The following ADAMTS3 variants were observed in gnomAD, a reference collection of about 807,000 sequenced individuals.
The protein encoded by ADAMTS3 is ADAM metallopeptidase with thrombospondin type 1 motif 3.
ADAMTS3 carries 73 observed loss-of-function variants against 129.0 expected under a neutral mutation model. That is an observed-to-expected ratio of 0.57 (90% CI 0.47 to 0.69). The LOEUF is 0.69. ADAMTS3 is among the 30% of genes least tolerant of loss of function. ADAMTS3 has a pLI of 0.00. For missense variants in ADAMTS3, 1,457 were observed against 1,514.5 expected, an observed-to-expected ratio of 0.96 and a Z score of 0.63; for synonymous variants, 477 against 510.8, an observed-to-expected ratio of 0.93 and a Z score of 0.89.
chr4:72,476,152 GA>G (rs1560530389), intron 3 of ADAMTS3, among the ~76,000 whole-genome samples: 1 of 151,564 alleles, frequency 6.6e-6, no homozygotes, highest in Non-Finnish European at 1.5e-5. Context: ...AATCAAAAAA[GA>G]AAAAATCAAT....
intron 3 of ADAMTS3, among the ~76,000 whole-genome samples, chr4:72,425,548 T>C (rs1027445239): frequency 2.0e-5 from 3 of 152,176 alleles, no homozygotes; most frequent in Non-Finnish European, 4.4e-5. Context: ...TGTGTTCTCA[T>C]TGTTCAATTC....
At chr4:72,320,633 A>G in intron 7 of ADAMTS3, 81 bp downstream of exon 7, 1 of 1,456,268 alleles carries the variant, frequency 6.9e-7, no homozygotes, top group Non-Finnish European at 9.4e-7. Context: ...AGAGCAGAAC[A>G]TTTGAACAGA....
At chr4:72,404,161 AAAAAC>A (rs1721993983) in intron 4 of ADAMTS3, among the ~76,000 whole-genome samples, 1 of 152,108 alleles carries the variant, frequency 6.6e-6, no homozygotes, top group African/African-American at 2.4e-5. Context: ...CGGACATAGA[AAAAAC>A]AATTACAAAA....
At chr4:72,326,432 G>T (rs573606627) in intron 5 of ADAMTS3, among the ~76,000 whole-genome samples, 4 of 152,162 alleles carry the variant, frequency 2.6e-5, no homozygotes, top group Admixed American at 2.6e-4. Context: ...AACACATGGA[G>T]TATGATAAGA....
At chr4:72,312,252 C>G (rs372966587) in intron 13 of ADAMTS3, 39 bp downstream of exon 13, 6 of 1,606,486 alleles carry the variant, frequency 3.7e-6, no homozygotes, top group African/African-American at 1.3e-5. Flanking sequence ...CTGTGAGTAA[C>G]CATCCACACA....
rs1197252032 is a variant in ADAMTS3 at position 72,355,788 on chromosome 4, T to A, written c.662-16095A>T. Among the ~76,000 whole-genome samples, 5 of 152,132 alleles carry A rather than the reference T, an allele frequency of 3.3e-5. No homozygotes were observed. In the East Asian group the frequency reaches 9.7e-4, roughly 29 times the overall value. ...TCTTCTTTATAAATTACTCCATCTG[T>A]CTTATTTTGTTATAATAGCACAAAT... is the stretch of plus-strand genomic sequence containing the variant. On this transcript the variant is annotated intron_variant, in intron 4 of 21. Transcript: ENST00000286657.
chr4:72,509,726 A>G (rs1437232857), intron 3 of ADAMTS3, among the ~76,000 whole-genome samples: 1 of 152,096 alleles, frequency 6.6e-6, no homozygotes. Flanking sequence ...CTATTCTGAA[A>G]AATGGAGGAG....
intron 4 of ADAMTS3, among the ~76,000 whole-genome samples, chr4:72,399,310 G>A (rs935397758): frequency 7.2e-5 from 11 of 152,150 alleles, no homozygotes; most frequent in African/African-American, 2.6e-4. Flanking sequence ...GTGCACACCT[G>A]TAGTCCCAGT....
chr4:72,470,657 T>C (rs1375441249), intron 3 of ADAMTS3, among the ~76,000 whole-genome samples: 2 of 151,872 alleles, frequency 1.3e-5, no homozygotes, highest in African/African-American at 4.8e-5. Flanking sequence ...TATGAAGATG[T>C]TTTCACCTTT....
At chr4:72,308,592 C>G (rs2109793531) in intron 15 of ADAMTS3, among the ~76,000 whole-genome samples, 1 of 152,042 alleles carries the variant, frequency 6.6e-6, no homozygotes, top group East Asian at 1.9e-4. Flanking sequence ...TTCCCAGAAA[C>G]ATTTGCCAAA....
chr4:72,437,072 T>C (rs1218585771), intron 3 of ADAMTS3, among the ~76,000 whole-genome samples: 9 of 151,798 alleles, frequency 5.9e-5, no homozygotes, highest in Admixed American at 5.9e-4. Flanking sequence ...AATGTTGAGT[T>C]TGCTCAAACT....
At position 72,568,809 on chromosome 4, in the gene ADAMTS3, G is replaced by T. The variant is rs749017656; in HGVS notation, c.-47C>A. Reference sequence around the variant, plus strand: ...AACTACTGGGCAAAGCAAATGCCCAGAGCAAACCCACCCCCCCCGCCCAAA... The same window carrying T: ...AACTACTGGGCAAAGCAAATGCCCATAGCAAACCCACCCCCCCCGCCCAAA... On this transcript the variant is annotated 5_prime_UTR_variant, in exon 1 of 22. The change creates a new upstream start codon in the 5' untranslated region. Coordinates refer to ENST00000286657, the MANE Select transcript of ADAMTS3 (RefSeq NM_014243.3). The T allele has an allele frequency of 1.0e-5, 14 of 1,401,714 alleles. No homozygotes were observed. Among genetic ancestry groups the T allele is most frequent in the Non-Finnish European group, 1.2e-5 (12 of 1,007,642 alleles). 86.8% of individuals were successfully genotyped at this position (1,401,714 alleles called of 1,614,324 possible). A position where few individuals can be genotyped will look rare whatever the true frequency, so the allele number is the denominator to read the frequency against.
intron 17 of ADAMTS3, among the ~76,000 whole-genome samples, chr4:72,300,119 T>C (rs1718913250): frequency 6.6e-6 from 1 of 152,140 alleles, no homozygotes; most frequent in Non-Finnish European, 1.5e-5. Flanking sequence ...CTGTCTTTTT[T>C]TTTAAAACAG....
chr4:72,316,470 G>T (rs760873245), intron 10 of ADAMTS3, among the ~76,000 whole-genome samples: 5 of 152,066 alleles, frequency 3.3e-5, no homozygotes, highest in Non-Finnish European at 7.4e-5. Context: ...TGGATCACCT[G>T]AGGTCAGGAG....
chr4:72,360,576 T>G (rs1232094733), intron 4 of ADAMTS3, among the ~76,000 whole-genome samples: 1 of 151,978 alleles, frequency 6.6e-6, no homozygotes, highest in Admixed American at 6.6e-5. Context: ...TGAACATATA[T>G]TACCAAAGAG....
intron 4 of ADAMTS3, among the ~76,000 whole-genome samples, chr4:72,410,410 A>C (rs1209504229): frequency 6.6e-6 from 1 of 152,160 alleles, no homozygotes; most frequent in Non-Finnish European, 1.5e-5. Context: ...AAATCCTGAA[A>C]GGAAGCTAGG....
intron 3 of ADAMTS3, among the ~76,000 whole-genome samples, chr4:72,417,797 G>A (rs1578661884): frequency 6.6e-6 from 1 of 151,456 alleles, no homozygotes. Context: ...GCCAGGCGTG[G>A]TGGCAGGCGC....
intron 3 of ADAMTS3, among the ~76,000 whole-genome samples, chr4:72,424,772 C>T (rs752164766): frequency 6.6e-6 from 1 of 152,066 alleles, no homozygotes; most frequent in Non-Finnish European, 1.5e-5. Flanking sequence ...TTATTACAAA[C>T]ACTGAATACT....
chr4:72,302,488 A>G lies in ADAMTS3; in HGVS notation c.2424+1429T>C, dbSNP rs1718976681. 2.0e-5 allele frequency among the ~76,000 whole-genome samples: 3 copies of G among 152,090 alleles called. No individual in the cohort carries two copies. The South Asian group carries it at 6.2e-4, about 32-fold the overall frequency. Reference sequence around the variant, plus strand: ...AAAAAAGATTATAAAGGATGAACAGAGCCTGAGACTTGTAGAACAATTTCA... The same window carrying G: ...AAAAAAGATTATAAAGGATGAACAGGGCCTGAGACTTGTAGAACAATTTCA... On this transcript the variant is annotated intron_variant, in intron 17 of 21. Coordinates refer to ENST00000286657, the MANE Select transcript of ADAMTS3 (RefSeq NM_014243.3).
Sources: gnomAD v4.1 joint callset for allele counts (sites outside exome capture counted in the v4.1 genomes callset) on GRCh38, gnomAD v4.1.1 for gene constraint, MANE v1.5 for transcripts, NCBI Gene and HGNC (gene_info 2026-07-23, HGNC 2026-07-21) for gene names.